The following SHANK2 variants were observed in gnomAD, a reference collection of about 807,000 sequenced individuals.
The protein encoded by SHANK2 is SH3 and multiple ankyrin repeat domains 2, also known as SH3 and multiple ankyrin repeat domains protein 2.
Under a neutral mutation model 133.7 loss-of-function variants are expected in SHANK2, and 43 were observed. The ratio of observed to expected loss-of-function variants is 0.32; its 90% confidence interval spans 0.25 to 0.41. The LOEUF is 0.41. Ranked by LOEUF, SHANK2 falls within the 10% of genes least tolerant of loss-of-function variation. The probability of loss-of-function intolerance (pLI) is 1.00; values close to 1 mark genes in which losing one functional copy is unlikely to be tolerated. For missense variants in SHANK2, 1,994 were observed against 2,235.8 expected, an observed-to-expected ratio of 0.89 and a Z score of 2.18; for synonymous variants, 1,017 against 952.8, an observed-to-expected ratio of 1.07 and a Z score of -1.24.
intron 10 of SHANK2, among the ~76,000 whole-genome samples, chr11:70,924,384 C>A (rs1367316441): frequency 6.6e-6 from 1 of 152,128 alleles, no homozygotes; most frequent in Non-Finnish European, 1.5e-5. Flanking sequence ...GAGAGTCAAA[C>A]ACCAGGGGCT....
At chr11:70,531,481 C>T (rs1456300681) in intron 17 of SHANK2, among the ~76,000 whole-genome samples, 6 of 152,270 alleles carry the variant, frequency 3.9e-5, no homozygotes, top group Admixed American at 6.5e-5. Context: ...CGCGGGTGGA[C>T]GACTGTTCCC....
intron 11 of SHANK2, among the ~76,000 whole-genome samples, chr11:70,885,541 G>A (rs562085711): frequency 2.0e-5 from 3 of 152,218 alleles, no homozygotes; most frequent in East Asian, 1.9e-4. Context: ...GGGACAGGCC[G>A]CAGGGCGGGC....
chr11:70,653,470 T>A (rs1379416124), intron 17 of SHANK2, among the ~76,000 whole-genome samples: 1 of 148,036 alleles, frequency 6.8e-6, no homozygotes, highest in South Asian at 2.1e-4. Flanking sequence ...CAAGACAGAG[T>A]CTTGCTCTGT....
rs547338871 is a variant in SHANK2, at chr11:70,545,103, G to A, written c.2062-42172C>T. 9.9e-5 allele frequency among the ~76,000 whole-genome samples: 15 copies of A among 152,274 alleles called. No homozygotes were observed. The South Asian group carries it at 3.1e-3, about 32-fold the overall frequency. ...AGGCAAGGGCCACTGGGGCCTGGGA[G>A]GGGTTGCGCTCTGATTCCCCGATCA... is the stretch of plus-strand genomic sequence containing the variant. On this transcript the variant is annotated intron_variant, in intron 17 of 25. Coordinates refer to ENST00000601538, the MANE Select transcript of SHANK2 (RefSeq NM_012309.5).
chr11:71,147,188 C>A lies in SHANK2; in HGVS notation c.139G>T (p.Ala47Ser). The change falls in exon 3 of 26, where the codon GCC becomes TCC. Residue 47 changes from alanine (A) to serine (S), a missense_variant. Around this residue, in one of 5 missense-constraint regions of SHANK2, gnomAD observed 653 missense variants for 563.4 expected, o/e 1.16. Transcript: ENST00000601538. ...IRATAEKPGG[A>S]RTEESQGNTL... Reference sequence around the variant, plus strand: ...TTGCCCTGGCTCTCCTCCGTCCTGGCACCGCCCGGCTTCTCCGCAGTGGCC... The same window carrying A: ...TTGCCCTGGCTCTCCTCCGTCCTGGAACCGCCCGGCTTCTCCGCAGTGGCC... 1.9e-6 allele frequency: 3 copies of A among 1,550,722 alleles called. No individual in the cohort carries two copies. Among genetic ancestry groups the A allele is most frequent in the South Asian group, 1.2e-5 (1 of 84,046 alleles).
intron 2 of SHANK2, among the ~76,000 whole-genome samples, chr11:71,184,212 G>A (rs1953626379): frequency 6.6e-6 from 1 of 152,124 alleles, no homozygotes; most frequent in Non-Finnish European, 1.5e-5. Context: ...ATGGAGGGAG[G>A]CCTTGTGATT....
chr11:70,661,816 G>T (rs372302791), intron 15 of SHANK2, 138 bp from the exon 16 acceptor site: 2 of 1,610,980 alleles, frequency 1.2e-6, no homozygotes, highest in South Asian at 2.2e-5. Flanking sequence ...ATGGAGGAAA[G>T]GAGGCAGCGA....
Position 71,151,506 on chromosome 11 carries a change from T to C in SHANK2, c.-12-4168A>G, listed in dbSNP as rs147908599. 8.1e-3 allele frequency among the ~76,000 whole-genome samples: 1,226 copies of C among 152,260 alleles called. 19 individuals are homozygous for C. Among genetic ancestry groups the C allele is most frequent in the African/African-American group, 0.028 (1,170 of 41,550 alleles). ...CCACCCCCATTTCACCCGTTTTTAT[T>C]CTTCGTCCTCATTCTCCTGGGCCCT... On this transcript the variant is annotated intron_variant, in intron 2 of 25. Transcript: ENST00000601538.
At position 70,645,007 on chromosome 11, in the gene SHANK2, A is replaced by G. The variant is rs138130088; in HGVS notation, c.2061+14821T>C. ...GAGGCTGAAGCGGGCAGATCACCTG[A>G]GTTCAGGAGTTCGAGACGAGCCTGG... On this transcript the variant is annotated intron_variant, in intron 17 of 25. Coordinates refer to ENST00000601538, the MANE Select transcript of SHANK2 (RefSeq NM_012309.5). 6.8e-3 allele frequency among the ~76,000 whole-genome samples: 1,037 copies of G among 152,284 alleles called. 12 individuals are homozygous for G. Among genetic ancestry groups the G allele is most frequent in the African/African-American group, 0.024 (1,007 of 41,560 alleles).
intron 2 of SHANK2, among the ~76,000 whole-genome samples, chr11:71,200,409 C>T (rs782374001): frequency 1.3e-5 from 2 of 152,182 alleles, no homozygotes; most frequent in South Asian, 2.1e-4. Flanking sequence ...TTATAAATAA[C>T]GCTGCCATGA....
intron 11 of SHANK2, among the ~76,000 whole-genome samples, chr11:70,861,870 C>A (rs1032516451): frequency 6.6e-6 from 1 of 151,674 alleles, no homozygotes; most frequent in Non-Finnish European, 1.5e-5. Flanking sequence ...GGAGGAGAAC[C>A]AAAAGAACAA....
At chr11:70,836,816 C>T (rs116412181) in intron 11 of SHANK2, among the ~76,000 whole-genome samples, 2,140 of 152,340 alleles carry the variant, frequency 0.014, 59 homozygotes, top group African/African-American at 0.05. Context: ...TGAAGGTTTA[C>T]ATCCCCTCCA....
At chr11:70,705,920 G>C (rs1368044366) in intron 14 of SHANK2, 1 of 152,232 alleles carries the variant, frequency 6.6e-6, no homozygotes, top group Non-Finnish European at 1.5e-5. Flanking sequence ...ACAATAGAAT[G>C]AGCTTTTAAA....
rs782665367 is a variant in SHANK2 at position 70,473,182 on chromosome 11, T to C, written c.5237A>G (p.Gln1746Arg). Reference sequence around the variant, plus strand: ...GCCAAATAGATCCCCAGAAGGGGGCTGGCTTGGAAGGCTAAAGACATCTGA... The same window carrying C: ...GCCAAATAGATCCCCAGAAGGGGGCCGGCTTGGAAGGCTAAAGACATCTGA... ...ALSDVFSLPS[Q>R]PPSGDLFGLN... Residue 1746 changes from glutamine (Q) to arginine (R), a missense_variant, in exon 26 of 26, where the codon CAG becomes CGG. Gln to Arg is a conservative substitution (Grantham distance 43). Transcript: ENST00000601538. This position sits in a 1 kb window ranked among gnomAD's most constrained non-coding sequence, Gnocchi z 5.9. The C allele has an allele frequency of 2.5e-6, 4 of 1,613,298 alleles. No individual in the cohort carries two copies. Among genetic ancestry groups the C allele is most frequent in the African/African-American group, 2.7e-5 (2 of 74,900 alleles).
At position 71,160,319 on chromosome 11, in the gene SHANK2, A is replaced by G. The variant is rs147523238; in HGVS notation, c.-12-12981T>C. Among the ~76,000 whole-genome samples the G allele has an allele frequency of 3.7e-3, 567 of 152,226 alleles. 2 individuals carry two copies. The highest frequency in any genetic ancestry group is 0.013 in the African/African-American group (535 of 41,532). Reference sequence around the variant, plus strand: ...ACGAACTGAACTGTCTCCCTCTAAAATTCATATGCTAAGGCCCTAACCCCC... The same window carrying G: ...ACGAACTGAACTGTCTCCCTCTAAAGTTCATATGCTAAGGCCCTAACCCCC... On this transcript the variant is annotated intron_variant, in intron 2 of 25. Transcript: ENST00000601538.
rs186362527 is a variant in SHANK2 at position 71,110,113 on chromosome 11, G to A, written c.484-64C>T. 337 of 1,192,892 alleles carry A rather than the reference G, an allele frequency of 2.8e-4. 2 individuals are homozygous for A. Among genetic ancestry groups the A allele is most frequent in the South Asian group, 2.5e-3 (190 of 76,360 alleles). The allele number at this position is 1,192,892 out of a possible 1,614,324, so 73.9% of individuals were successfully genotyped here. On this transcript the variant is annotated intron_variant, in intron 5 of 25. Transcript: ENST00000601538. ...GAAATGTCCCAACCTGAGCAACAAA[G>A]TGAGACCCCGTCTCTACAAAAAATA...
chr11:70,927,647 G>A (rs1017321838), intron 10 of SHANK2, among the ~76,000 whole-genome samples: 1 of 152,124 alleles, frequency 6.6e-6, no homozygotes, highest in Non-Finnish European at 1.5e-5. Flanking sequence ...TGACCTTCAA[G>A]GCCAGTGACA....
Position 71,091,155 on chromosome 11 carries a change from C to T in SHANK2, c.912+1267G>A, listed in dbSNP as rs1023585008. ...ACAATAATGACAAGAAATCTCATGG[C>T]GGGTGCATGGAAGAGGACTTCCAAA... On this transcript the variant is annotated intron_variant, in intron 8 of 25. Transcript: ENST00000601538. Among the ~76,000 whole-genome samples the T allele has an allele frequency of 5.9e-5, 9 of 152,306 alleles. No homozygotes were observed. In the East Asian group the frequency reaches 1.4e-3, roughly 23 times the overall value.
intron 1 of SHANK2, among the ~76,000 whole-genome samples, chr11:71,229,661 G>A (rs1565528440): frequency 1.3e-5 from 2 of 151,496 alleles, no homozygotes; most frequent in African/African-American, 2.4e-5. Flanking sequence ...TCAGGAGGCT[G>A]AGGCAGGAGA....
Sources: gnomAD v4.1 joint callset for allele counts (sites outside exome capture counted in the v4.1 genomes callset) on GRCh38, gnomAD v4.1.1 for gene constraint, gnomAD v4.1.1 regional missense constraint, Gnocchi (gnomAD v3.1) non-coding constraint, MANE v1.5 for transcripts, NCBI Gene and HGNC (gene_info 2026-07-23, HGNC 2026-07-21) for gene names.